Variants in SLC35F3 observed in about 807,000 individuals in gnomAD.
SLC35F3 encodes solute carrier family 35 member F3.
A neutral mutation model predicts 49.9 loss-of-function variants in SLC35F3; 25 were observed. That is an observed-to-expected ratio of 0.50 (90% confidence interval 0.37 to 0.70). SLC35F3 has a LOEUF of 0.70. Among genes scored for constraint, SLC35F3 ranks in the 30% least tolerant of loss-of-function variants. The pLI, the probability that SLC35F3 is intolerant of heterozygous loss-of-function variation, is 0.00. For missense variants in SLC35F3, 525 were observed against 639.8 expected (o/e 0.82, Z 1.94); for synonymous variants, 275 against 265.4 (o/e 1.04, Z -0.35).
chr1:234,058,033 GA>G (rs1018640782), intron 2 of SLC35F3, among the ~76,000 whole-genome samples: 6 of 152,092 alleles, frequency 3.9e-5, no homozygotes, highest in Non-Finnish European at 8.8e-5. Flanking sequence ...ATTTGAGTGG[GA>G]AGGCATCCAT....
intron 2 of SLC35F3, among the ~76,000 whole-genome samples, chr1:234,227,542 G>T (rs938069276): frequency 6.6e-6 from 1 of 152,026 alleles, no homozygotes; most frequent in Non-Finnish European, 1.5e-5. Flanking sequence ...GGGACTACAG[G>T]TGCCCACCAC....
chr1:234,113,597 C>T (rs1392244240), intron 2 of SLC35F3, among the ~76,000 whole-genome samples: 2 of 152,190 alleles, frequency 1.3e-5, no homozygotes, highest in Admixed American at 6.5e-5. Context: ...AGCATGGTGG[C>T]TCACGCCTGT....
chr1:234,277,426 C>G (rs1170224145), intron 3 of SLC35F3, among the ~76,000 whole-genome samples: 1 of 152,214 alleles, frequency 6.6e-6, no homozygotes, highest in African/African-American at 2.4e-5. Flanking sequence ...GAATCTCTAG[C>G]CCAAAGGGGA....
rs1386940284 is a variant in SLC35F3 at position 234,175,629 on chromosome 1, C to A, written c.284-55788C>A. Among the ~76,000 whole-genome samples the A allele has an allele frequency of 2.0e-5, 3 of 146,448 alleles. No individual in the cohort carries two copies. The East Asian group carries it at 6.1e-4, about 30-fold the overall frequency. On this transcript the variant is annotated intron_variant, in intron 2 of 7. Coordinates refer to ENST00000366618, the MANE Select transcript of SLC35F3 (RefSeq NM_173508.4). ...AGTGAGCTGTGATTGCACCACTGCA[C>A]TCCAGCCTGGGCAACAGAGTGAGAC...
At chr1:234,220,852 C>T (rs183220116) in intron 2 of SLC35F3, among the ~76,000 whole-genome samples, 2 of 151,966 alleles carry the variant, frequency 1.3e-5, no homozygotes, top group East Asian at 1.9e-4. Flanking sequence ...GGGGGAGTCA[C>T]GTTTAGAAAA....
At chr1:234,184,730 G>T (rs1666608966) in intron 2 of SLC35F3, among the ~76,000 whole-genome samples, 1 of 152,154 alleles carries the variant, frequency 6.6e-6, no homozygotes, top group Non-Finnish European at 1.5e-5. Flanking sequence ...AGCTCCGCAG[G>T]CCATGGTGGA....
chr1:234,062,704 G>T (rs1334295315), intron 2 of SLC35F3, among the ~76,000 whole-genome samples: 1 of 150,668 alleles, frequency 6.6e-6, no homozygotes, highest in Non-Finnish European at 1.5e-5. Flanking sequence ...TTTTGAGACG[G>T]AGCCTTGCTC....
chr1:234,217,509 G>C (rs1667140208), intron 2 of SLC35F3, among the ~76,000 whole-genome samples: 1 of 152,246 alleles, frequency 6.6e-6, no homozygotes, highest in African/African-American at 2.4e-5. Context: ...GGGACACTGA[G>C]AGTTGAGCAA....
At chr1:233,916,610 G>T (rs1436774976) in intron 2 of SLC35F3, among the ~76,000 whole-genome samples, 1 of 152,238 alleles carries the variant, frequency 6.6e-6, no homozygotes, top group East Asian at 1.9e-4. Context: ...TAAAGTATAT[G>T]TAATTACGAT....
chr1:233,939,652 G>A (rs764800439), intron 2 of SLC35F3, among the ~76,000 whole-genome samples: 3 of 152,104 alleles, frequency 2.0e-5, no homozygotes, highest in Non-Finnish European at 2.9e-5. Flanking sequence ...GAGAAGAGTC[G>A]TTGCTATAGC....
chr1:234,045,861 ATTG>A (rs987265490), intron 2 of SLC35F3, among the ~76,000 whole-genome samples: 11 of 151,954 alleles, frequency 7.2e-5, no homozygotes, highest in African/African-American at 2.7e-4. Flanking sequence ...TAAATTATAT[ATTG>A]TTGTGTATTT....
intron 2 of SLC35F3, among the ~76,000 whole-genome samples, chr1:234,086,265 G>T (rs1441459639): frequency 6.6e-6 from 1 of 152,170 alleles, no homozygotes; most frequent in African/African-American, 2.4e-5. Flanking sequence ...AAGCTGTCTT[G>T]CTTAGTTCAA....
intron 2 of SLC35F3, among the ~76,000 whole-genome samples, chr1:233,921,477 T>G (rs12568509): frequency 0.5 from 75,449 of 151,892 alleles, 19,002 homozygotes; most frequent in Admixed American, 0.64. Flanking sequence ...CTAATGACGT[T>G]TATTCACCAT....
At chr1:234,289,056 G>C (rs567474979) in intron 3 of SLC35F3, among the ~76,000 whole-genome samples, 14 of 152,314 alleles carry the variant, frequency 9.2e-5, no homozygotes, top group Middle Eastern at 6.8e-3. Flanking sequence ...GCATAGCCAT[G>C]ATGAGCACAA....
At chr1:234,275,050 TCCC>T (rs2102977332) in intron 3 of SLC35F3, among the ~76,000 whole-genome samples, 1 of 152,288 alleles carries the variant, frequency 6.6e-6, no homozygotes, top group East Asian at 1.9e-4. Flanking sequence ...TCTGAAAGCC[TCCC>T]TCATCGGAAA....
intron 2 of SLC35F3, among the ~76,000 whole-genome samples, chr1:234,117,184 G>T (rs1426904883): frequency 2.0e-5 from 3 of 152,184 alleles, no homozygotes; most frequent in Non-Finnish European, 4.4e-5. Flanking sequence ...GTATCCCTTT[G>T]TTGGGCCTAC....
intron 2 of SLC35F3, among the ~76,000 whole-genome samples, chr1:233,949,601 T>C (rs573282625): frequency 6.6e-6 from 1 of 152,156 alleles, no homozygotes; most frequent in Non-Finnish European, 1.5e-5. Flanking sequence ...CCCAGGACCA[T>C]GCTGTTTACA....
At chr1:233,940,725 C>T (rs1462600588) in intron 2 of SLC35F3, among the ~76,000 whole-genome samples, 1 of 152,190 alleles carries the variant, frequency 6.6e-6, no homozygotes, top group Non-Finnish European at 1.5e-5. Flanking sequence ...TATTGAGAGA[C>T]AATGAGATTG....
At chr1:234,141,540 T>C (rs1665914182) in intron 2 of SLC35F3, among the ~76,000 whole-genome samples, 1 of 152,208 alleles carries the variant, frequency 6.6e-6, no homozygotes, top group Non-Finnish European at 1.5e-5. Flanking sequence ...TTTCCTTGTG[T>C]TCTTTTGCGC....
Sources: allele counts gnomAD v4.1 joint callset (sites outside exome capture counted in the v4.1 genomes callset), GRCh38; gene constraint gnomAD v4.1.1; transcripts MANE v1.5; gene names NCBI Gene and HGNC (gene_info 2026-07-23, HGNC 2026-07-21).